Variants in SLC26A4 observed in about 807,000 individuals in gnomAD.
The protein encoded by SLC26A4 is pendrin.
A neutral mutation model predicts 90.4 loss-of-function variants in SLC26A4; 93 were observed. That is an observed-to-expected ratio of 1.03 (90% CI 0.87 to 1.22). SLC26A4 has a LOEUF of 1.22. Among genes scored for constraint, SLC26A4 ranks in the 50% most tolerant of loss-of-function variants. The pLI is 0.00. For synonymous variants in SLC26A4, 393 were observed against 354.6 expected (o/e 1.11, Z -1.22); for missense variants, 1,127 against 946.2 (o/e 1.19, Z -2.51).
rs1562826748 is a variant in SLC26A4, at chr7:107,679,869, C to CTTATATTATTATATTATATAATCTTA, written c.766-3324_766-3323insTATATTATATAATCTTATTATATTAT. ...ATCTTATATTATTATATTATATAAT[C>CTTATATTATTATATTATATAATCTTA]TTATATTATATAATCTTATCTTATA... On this transcript the variant is annotated intron_variant, in intron 6 of 20. Coordinates refer to ENST00000644269, the MANE Select transcript of SLC26A4 (RefSeq NM_000441.2). 1.6e-3 allele frequency among the ~76,000 whole-genome samples: 206 copies of CTTATATTATTATATTATATAATCTTA among 129,428 alleles called. 5 individuals carry two copies. The highest frequency in any genetic ancestry group is 5.5e-3 in the African/African-American group (181 of 33,178). 84.9% of individuals were successfully genotyped at this position (129,428 alleles called of 152,430 possible).
intron 6 of SLC26A4, among the ~76,000 whole-genome samples, chr7:107,680,019 A>T (rs1284950754): frequency 7.6e-6 from 1 of 132,124 alleles, no homozygotes; most frequent in African/African-American, 2.9e-5. Context: ...ATATAATATA[A>T]TCTTATTATA....
At chr7:107,688,348 A>G (rs1351069685) in intron 8 of SLC26A4, among the ~76,000 whole-genome samples, 2 of 152,168 alleles carry the variant, frequency 1.3e-5, no homozygotes, top group African/African-American at 4.8e-5. Context: ...CCATATGGAT[A>G]GTCATCAAGA....
At chr7:107,667,460 T>TAAAAAAAGAAAA (rs1562820547) in intron 3 of SLC26A4, among the ~76,000 whole-genome samples, 1 of 26,426 alleles carries the variant, frequency 3.8e-5, no homozygotes, top group African/African-American at 1.8e-4. Flanking sequence ...GAGAGAAGGT[T>TAAAAAAAGAAAA]TAAAAAAAAA....
intron 12 of SLC26A4, 151 bp from the exon 13 acceptor site, chr7:107,695,782 C>T (rs1791721278): frequency 1.6e-6 from 1 of 623,024 alleles, no homozygotes; most frequent in South Asian, 1.8e-5. Flanking sequence ...CACTGCACTC[C>T]AGCCTGGGCA....
At chr7:107,701,442 C>T (rs1791882932) in intron 16 of SLC26A4, among the ~76,000 whole-genome samples, 1 of 152,152 alleles carries the variant, frequency 6.6e-6, no homozygotes, top group South Asian at 2.1e-4. Context: ...ACAGTGTCTG[C>T]ATTATTTTCT....
intron 9 of SLC26A4, 50 bp downstream of exon 9, chr7:107,689,250 A>G (rs1347706615): frequency 6.3e-7 from 1 of 1,595,318 alleles, no homozygotes; most frequent in Non-Finnish European, 8.6e-7. Context: ...GAAACAGGAA[A>G]AAAACATAAA....
At chr7:107,678,057 G>T (rs1791074548) in intron 6 of SLC26A4, among the ~76,000 whole-genome samples, 1 of 152,128 alleles carries the variant, frequency 6.6e-6, no homozygotes, top group African/African-American at 2.4e-5. Context: ...TGGGATTATA[G>T]GTGTGGGCCA....
Position 107,716,437 on chromosome 7 carries a change from A to G in SLC26A4, c.*991A>G, listed in dbSNP as rs1286948692. Reference sequence around the variant, plus strand: ...CTGAACTCTGACCACTTAAAAAAAAATCTAAAAATTGAACTACCTATAGTA... The same window carrying G: ...CTGAACTCTGACCACTTAAAAAAAAGTCTAAAAATTGAACTACCTATAGTA... On this transcript the variant is annotated 3_prime_UTR_variant, in exon 21 of 21. Transcript: ENST00000644269. The G allele has an allele frequency of 6.6e-6, 1 of 152,208 alleles. No homozygotes were observed. Among genetic ancestry groups the G allele is most frequent in the African/African-American group, 2.4e-5 (1 of 41,456 alleles). The allele number at this position is 152,208 out of a possible 1,614,324, so 9.4% of individuals were successfully genotyped here. A position where few individuals can be genotyped will look rare whatever the true frequency, so the allele number is the denominator to read the frequency against.
intron 3 of SLC26A4, among the ~76,000 whole-genome samples, chr7:107,671,616 G>C (rs1450578897): frequency 6.6e-6 from 1 of 152,164 alleles, no homozygotes; most frequent in East Asian, 1.9e-4. Context: ...CTGCATCCTA[G>C]CATAGCCAGT....
In SLC26A4 at chr7:107,675,285, TAA is replaced by T. The variant is rs60022317; in HGVS notation, c.765+196_765+197del. 0.024 allele frequency among the ~76,000 whole-genome samples: 2,310 copies of T among 96,774 alleles called. 62 individuals are homozygous for T. The highest frequency in any genetic ancestry group is 0.079 in the African/African-American group (1,984 of 25,138). The allele number at this position is 96,774 out of a possible 152,430, so 63.5% of individuals were successfully genotyped here. A position where few individuals can be genotyped will look rare whatever the true frequency, so the allele number is the denominator to read the frequency against. On this transcript the variant is annotated intron_variant, in intron 6 of 20. Coordinates refer to ENST00000644269, the MANE Select transcript of SLC26A4 (RefSeq NM_000441.2). ...GTTTGAGACGTGAGACCTCATCTCT[TAA>T]AAAAAAAAAAAAAAAAAAAGAAAGA...
intron 18 of SLC26A4, among the ~76,000 whole-genome samples, chr7:107,709,079 G>A (rs1050219988): frequency 3.3e-5 from 5 of 152,214 alleles, no homozygotes; most frequent in Non-Finnish European, 7.3e-5. Context: ...GGATAGGGAA[G>A]GGGAAGAAGC....
intron 13 of SLC26A4, among the ~76,000 whole-genome samples, chr7:107,696,460 G>A (rs1278633837): frequency 6.6e-6 from 1 of 152,152 alleles, no homozygotes; most frequent in Non-Finnish European, 1.5e-5. Flanking sequence ...GGAATGTAAG[G>A]CGCTCGGCCC....
intron 8 of SLC26A4, among the ~76,000 whole-genome samples, chr7:107,686,393 CCTCT>C (rs1222053595): frequency 2.1e-5 from 3 of 142,586 alleles, no homozygotes; most frequent in African/African-American, 7.8e-5. Context: ...TTCCTTCCTT[CCTCT>C]CTCTCTTTTT....
chr7:107,689,635 G>A (rs538167855), intron 9 of SLC26A4, among the ~76,000 whole-genome samples: 48 of 152,292 alleles, frequency 3.2e-4, no homozygotes, highest in Admixed American at 2.0e-3. Flanking sequence ...AATTTTTGTA[G>A]GCATGTGATA....
At chr7:107,693,401 T>G (rs1584328669) in intron 10 of SLC26A4, 1 of 985,436 alleles carries the variant, frequency 1.0e-6, no homozygotes, top group African/African-American at 1.7e-5. Context: ...GCAAGTGCTT[T>G]CTAATTTTCT....
rs369432913 is a variant in SLC26A4 at position 107,715,237 on chromosome 7, C to CAA, written c.2320-173_2320-172dup. Among the ~76,000 whole-genome samples, 4,466 of 104,318 alleles carry CAA rather than the reference C, an allele frequency of 0.043. 245 individuals carry two copies. Among genetic ancestry groups the CAA allele is most frequent in the African/African-American group, 0.14 (4,184 of 30,364 alleles). The allele number at this position is 104,318 out of a possible 152,430, so 68.4% of individuals were successfully genotyped here. On this transcript the variant is annotated intron_variant, in intron 20 of 20. Coordinates refer to ENST00000644269, the MANE Select transcript of SLC26A4 (RefSeq NM_000441.2). ...GCAACAGTGAGTGAGATTCAGTCTC[C>CAA]AAAAAAAAAAAAAAGTATAATGAAT... is the stretch of plus-strand genomic sequence containing the variant.
intron 4 of SLC26A4, among the ~76,000 whole-genome samples, chr7:107,673,047 G>A (rs1790917911): frequency 6.6e-6 from 1 of 152,216 alleles, no homozygotes; most frequent in Non-Finnish European, 1.5e-5. Flanking sequence ...AGATCAGAAA[G>A]AGGTTTTGAT....
intron 13 of SLC26A4, 59 bp downstream of exon 13, chr7:107,696,098 A>T: frequency 1.0e-6 from 1 of 965,964 alleles, no homozygotes; most frequent in South Asian, 1.3e-5. Flanking sequence ...GAGCTTCCTT[A>T]TACCATTTTG....
intron 6 of SLC26A4, among the ~76,000 whole-genome samples, chr7:107,680,308 CTTATA>C (rs1331031238): frequency 2.2e-5 from 2 of 92,868 alleles, no homozygotes; most frequent in South Asian, 2.7e-4. Context: ...ATAATATAAT[CTTATA>C]TTATTATATA....
Sources: gnomAD v4.1 joint callset for allele counts (sites outside exome capture counted in the v4.1 genomes callset) on GRCh38, gnomAD v4.1.1 for gene constraint, MANE v1.5 for transcripts, NCBI Gene and HGNC (gene_info 2026-07-23, HGNC 2026-07-21) for gene names.